NLGN1: variants seen among roughly 807,000 people sequenced by gnomAD.
The protein encoded by NLGN1 is neuroligin-1.
In NLGN1, 12 loss-of-function variants were observed where a neutral mutation model predicts 65.5. The ratio of observed to expected loss-of-function variants is 0.18; its 90% CI spans 0.12 to 0.30. The LOEUF (loss-of-function observed/expected upper bound fraction) is 0.30. NLGN1 is among the 10% of genes least tolerant of loss of function. The probability of loss-of-function intolerance (pLI) is 1.00; values close to 1 mark genes in which losing one functional copy is unlikely to be tolerated. For synonymous variants in NLGN1, 350 were observed against 359.5 expected, an observed-to-expected ratio of 0.97 and a Z score of 0.30; for missense variants, 750 against 1,007.1, an observed-to-expected ratio of 0.74 and a Z score of 3.46.
chr3:173,695,730 C>T (rs572056640), intron 3 of NLGN1, among the ~76,000 whole-genome samples: 7 of 152,238 alleles, frequency 4.6e-5, no homozygotes, highest in South Asian at 2.1e-4. Flanking sequence ...AACCTTATTA[C>T]GATCACTTCT....
chr3:173,952,150 T>C (rs1265060319), intron 4 of NLGN1, among the ~76,000 whole-genome samples: 1 of 152,196 alleles, frequency 6.6e-6, no homozygotes, highest in East Asian at 1.9e-4. Context: ...CATAGCAAAC[T>C]TCCTGCAGGT....
intron 4 of NLGN1, among the ~76,000 whole-genome samples, chr3:174,128,651 A>G (rs1719479925): frequency 6.6e-6 from 1 of 152,254 alleles, no homozygotes. Flanking sequence ...ACCTTAGACA[A>G]CCCATAGTGA....
rs779600769 is a variant in NLGN1 at position 173,400,074 on chromosome 3, A to G, written c.-390+1587A>G. Among the ~76,000 whole-genome samples, 74 of 152,242 alleles carry G rather than the reference A, an allele frequency of 4.9e-4. 3 individuals carry two copies. Among genetic ancestry groups the G allele is most frequent in the Admixed American group, 5.2e-4 (8 of 15,286 alleles). ...AAACACAGTTAAAAGTAACAGTAGT[A>G]TTAGAAACTGCAGCTGTGTAACATA... On this transcript the variant is annotated intron_variant, in intron 1 of 6. Transcript: ENST00000457714.
chr3:173,812,176 G>A (rs7623101), intron 4 of NLGN1, among the ~76,000 whole-genome samples: 4,592 of 152,084 alleles, frequency 0.03, 186 homozygotes, highest in East Asian at 0.17. Flanking sequence ...TACACCACCC[G>A]TCCATGGAAA....
chr3:173,916,645 A>G (rs1248725009), intron 4 of NLGN1, among the ~76,000 whole-genome samples: 2 of 152,106 alleles, frequency 1.3e-5, no homozygotes, highest in East Asian at 3.9e-4. Flanking sequence ...AAAGAGATAC[A>G]TATTCCAGTG....
chr3:173,887,551 A>G (rs1376628956), intron 4 of NLGN1, among the ~76,000 whole-genome samples: 1 of 151,974 alleles, frequency 6.6e-6, no homozygotes, highest in Non-Finnish European at 1.5e-5. Context: ...GAAAACTTTA[A>G]GTGATTTCCT....
chr3:173,700,897 G>A lies in NLGN1; in HGVS notation c.493+95806G>A, dbSNP rs373145039. Among the ~76,000 whole-genome samples, 73 of 152,190 alleles carry A rather than the reference G, an allele frequency of 4.8e-4. No individual in the cohort carries two copies. The East Asian group carries it at 6.8e-3, about 14-fold the overall frequency. On this transcript the variant is annotated intron_variant, in intron 3 of 6. Transcript: ENST00000457714. Reference sequence around the variant, plus strand: ...TCCCAGCACTTTGGGAGGCCGAGGCGGGCGGATCACAAGGTCAGGAGATCG... The same window carrying A: ...TCCCAGCACTTTGGGAGGCCGAGGCAGGCGGATCACAAGGTCAGGAGATCG...
At chr3:173,754,411 G>A (rs2150173632) in intron 3 of NLGN1, among the ~76,000 whole-genome samples, 1 of 152,114 alleles carries the variant, frequency 6.6e-6, no homozygotes, top group Non-Finnish European at 1.5e-5. Flanking sequence ...AAATTGCAAT[G>A]CCCATTTCAC....
chr3:174,008,387 A>G (rs1343860330), intron 4 of NLGN1, among the ~76,000 whole-genome samples: 4 of 132,166 alleles, frequency 3.0e-5, no homozygotes, highest in African/African-American at 8.4e-5. Context: ...CTCTGTATCA[A>G]TAGGCACTTA....
chr3:173,549,137 T>C (rs528989834), intron 2 of NLGN1, among the ~76,000 whole-genome samples: 68 of 152,126 alleles, frequency 4.5e-4, no homozygotes, highest in African/African-American at 1.6e-3. Flanking sequence ...TTCACCATCA[T>C]TGTGGATTGA....
At chr3:174,096,826 G>A (rs888390256) in intron 4 of NLGN1, among the ~76,000 whole-genome samples, 11 of 152,058 alleles carry the variant, frequency 7.2e-5, no homozygotes, top group East Asian at 1.9e-4. Context: ...GTAATTGAAC[G>A]TGTAGAAACC....
intron 3 of NLGN1, among the ~76,000 whole-genome samples, chr3:173,704,554 G>A (rs1767753742): frequency 6.6e-6 from 1 of 152,154 alleles, no homozygotes; most frequent in Non-Finnish European, 1.5e-5. Context: ...TCTGATAGAA[G>A]TATTGTCTAA....
intron 2 of NLGN1, among the ~76,000 whole-genome samples, chr3:173,527,992 A>T (rs894381588): frequency 5.9e-5 from 9 of 152,210 alleles, no homozygotes; most frequent in Non-Finnish European, 1.2e-4. Flanking sequence ...TTCCTATAAT[A>T]GTGTTGTTAG....
intron 3 of NLGN1, among the ~76,000 whole-genome samples, chr3:173,735,791 T>C (rs1271751784): frequency 6.6e-6 from 1 of 152,156 alleles, no homozygotes; most frequent in Non-Finnish European, 1.5e-5. Flanking sequence ...AGGGCCAAAG[T>C]TGACTCATAT....
chr3:174,123,791 C>A (rs753166895), intron 4 of NLGN1, among the ~76,000 whole-genome samples: 2 of 152,160 alleles, frequency 1.3e-5, no homozygotes, highest in African/African-American at 2.4e-5. Context: ...AGGCTTCCTT[C>A]ACTAATCAAC....
At chr3:173,994,465 C>CAAAAAAAAAAA (rs1170577220) in intron 4 of NLGN1, among the ~76,000 whole-genome samples, 4 of 32,912 alleles carry the variant, frequency 1.2e-4, no homozygotes, top group Non-Finnish European at 2.2e-4. Context: ...TTGAGAAAAG[C>CAAAAAAAAAAA]AAAAAAAAAA....
At chr3:174,281,370 C>T (rs1402088617) in exon 7 of NLGN1, 2 of 989,854 alleles carry the variant, frequency 2.0e-6, no homozygotes, top group Admixed American at 4.5e-5. Context: ...GATTCCTTGG[C>T]TTTCAACCTA....
rs185077663 is a variant in NLGN1 at position 173,764,546 on chromosome 3, G to A, written c.494-43134G>A. On this transcript the variant is annotated intron_variant, in intron 3 of 6. Coordinates refer to ENST00000457714, the Ensembl canonical transcript of NLGN1. The stretch of plus-strand genomic sequence containing the variant: ...GAAGGAGTTAAGAAGACTCTGAGAA[G>A]TATATCTCAGCTTATTTTTCAGATG... 1.3e-3 allele frequency among the ~76,000 whole-genome samples: 191 copies of A among 152,252 alleles called. 1 individual carries two copies. The highest frequency in any genetic ancestry group is 6.8e-3 in the Middle Eastern group (2 of 294).
At chr3:173,960,469 T>C (rs1056304050) in intron 4 of NLGN1, among the ~76,000 whole-genome samples, 8 of 151,994 alleles carry the variant, frequency 5.3e-5, no homozygotes, top group Admixed American at 2.0e-4. Context: ...TCTTTTAAAT[T>C]TTAGAGATTT....
Sources: gnomAD v4.1 joint callset for allele counts (sites outside exome capture counted in the v4.1 genomes callset) on GRCh38, gnomAD v4.1.1 for gene constraint, MANE v1.5 for transcripts, NCBI Gene and HGNC (gene_info 2026-07-23, HGNC 2026-07-21) for gene names.